Variants in SPATA13 observed in about 807,000 individuals in gnomAD.
SPATA13 encodes spermatogenesis associated 13.
SPATA13 carries 50 observed loss-of-function variants against 104.0 expected under a neutral mutation model. The observed-to-expected ratio is 0.48, with a 90% CI of 0.38 to 0.61. SPATA13 has a LOEUF of 0.61. Ranked by LOEUF, SPATA13 falls within the 20% of genes least tolerant of loss-of-function variation. SPATA13 has a pLI of 0.00. For synonymous variants in SPATA13, 606 were observed against 667.5 expected, an observed-to-expected ratio of 0.91 and a Z score of 1.42; for missense variants, 1,524 against 1,690.6, an observed-to-expected ratio of 0.90 and a Z score of 1.73.
chr13:24,110,888 T>A (rs1294640812), intron 3 of SPATA13, among the ~76,000 whole-genome samples: 1 of 152,202 alleles, frequency 6.6e-6, no homozygotes, highest in East Asian at 1.9e-4. Context: ...GTTTGCACCA[T>A]CTCTGCGCAT....
intron 1 of SPATA13, among the ~76,000 whole-genome samples, chr13:24,180,926 G>T (rs1008506515): frequency 6.6e-6 from 1 of 152,068 alleles, no homozygotes; most frequent in South Asian, 2.1e-4. Flanking sequence ...AAGCTAGATG[G>T]TACAGCCTAC....
At chr13:23,982,779 C>G (rs907022041) in intron 1 of SPATA13, among the ~76,000 whole-genome samples, 1 of 152,160 alleles carries the variant, frequency 6.6e-6, no homozygotes, top group Non-Finnish European at 1.5e-5. Context: ...ACAGGGTCAC[C>G]CAGAAAGGAA....
chr13:24,044,615 A>G lies in SPATA13; in HGVS notation c.-112+26914A>G, dbSNP rs181250751. Among the ~76,000 whole-genome samples the G allele has an allele frequency of 2.7e-3, 412 of 152,262 alleles. 4 individuals are homozygous for G. The highest frequency in any genetic ancestry group is 0.024 in the Middle Eastern group (7 of 294). ...CAATACATGTTTACATTGTTTAATG[A>G]TCGAATCGGGGTAATTAGCATATCC... On this transcript the variant is annotated intron_variant, in intron 3 of 14. Coordinates refer to the SPATA13 transcript ENST00000424834.
chr13:24,164,346 G>A (rs373090481), intron 1 of SPATA13, among the ~76,000 whole-genome samples: 65 of 152,320 alleles, frequency 4.3e-4, no homozygotes, highest in African/African-American at 1.5e-3. Flanking sequence ...CTCCCTCCAT[G>A]TTTAATGCCT....
intron 3 of SPATA13, among the ~76,000 whole-genome samples, chr13:24,135,169 C>T (rs945514058): frequency 1.3e-5 from 2 of 152,046 alleles, no homozygotes; most frequent in Non-Finnish European, 2.9e-5. Flanking sequence ...CCACCTAGCT[C>T]GTGATACTTT....
At chr13:24,108,961 A>G (rs950021919) in intron 3 of SPATA13, among the ~76,000 whole-genome samples, 2 of 151,336 alleles carry the variant, frequency 1.3e-5, no homozygotes, top group African/African-American at 4.9e-5. Context: ...CTTTTATTTT[A>G]TTTTATTTTT....
chr13:24,275,407 T>C (rs933522908), intron 4 of SPATA13, among the ~76,000 whole-genome samples: 1 of 152,254 alleles, frequency 6.6e-6, no homozygotes, highest in African/African-American at 2.4e-5. Context: ...TAGTACTCTG[T>C]GGAACAGATG....
chr13:24,267,026 G>A (rs1593476755), intron 4 of SPATA13, among the ~76,000 whole-genome samples: 1 of 152,010 alleles, frequency 6.6e-6, no homozygotes, highest in Non-Finnish European at 1.5e-5. Context: ...TCTGGTAAAT[G>A]TAGGCTCTGA....
At chr13:24,233,217 G>A (rs1201165826) in intron 2 of SPATA13, among the ~76,000 whole-genome samples, 1 of 152,136 alleles carries the variant, frequency 6.6e-6, no homozygotes, top group Non-Finnish European at 1.5e-5. Flanking sequence ...ATTAGAGTTA[G>A]AAAGATAATT....
intron 3 of SPATA13, chr13:24,035,132 T>C (rs1877630591): frequency 6.6e-6 from 1 of 152,236 alleles, no homozygotes; most frequent in African/African-American, 2.4e-5. Flanking sequence ...CCTATACTTA[T>C]TGGGCATTGT....
rs1366848454 is a variant in SPATA13 at position 24,205,619 on chromosome 13, T to C, written c.-111-17200T>C. ...CATGTGGACCAAAAAAGAGCCTGAA[T>C]AGTGAAGACAATTCTAAGCAAAAAG... On this transcript the variant is annotated intron_variant, in intron 1 of 12. Transcript: ENST00000382108. This position sits in a 1 kb window ranked among gnomAD's most constrained non-coding sequence, Gnocchi z 4.1. 6.6e-6 allele frequency among the ~76,000 whole-genome samples: 1 copy of C among 152,206 alleles called. No homozygotes were observed. Among genetic ancestry groups the C allele is most frequent in the Non-Finnish European group, 1.5e-5 (1 of 68,028 alleles).
intron 3 of SPATA13, among the ~76,000 whole-genome samples, chr13:24,084,877 G>GTA (rs776495529): frequency 5.9e-5 from 9 of 152,150 alleles, no homozygotes; most frequent in African/African-American, 1.7e-4. Context: ...ATATAACTAT[G>GTA]TATATATATT....
chr13:24,108,665 G>A (rs539756442), intron 3 of SPATA13, among the ~76,000 whole-genome samples: 2 of 152,082 alleles, frequency 1.3e-5, no homozygotes, highest in East Asian at 1.9e-4. Flanking sequence ...ATGGTAGGGG[G>A]GGGGAAGCCT....
intron 3 of SPATA13, among the ~76,000 whole-genome samples, chr13:24,069,615 T>A (rs921160774): frequency 2.6e-5 from 4 of 152,202 alleles, no homozygotes; most frequent in African/African-American, 9.7e-5. Context: ...TATTTATTTA[T>A]CTTGCCCGAT....
chr13:24,101,558 A>G (rs1172265931), intron 3 of SPATA13, among the ~76,000 whole-genome samples: 2 of 152,220 alleles, frequency 1.3e-5, no homozygotes, highest in African/African-American at 4.8e-5. Flanking sequence ...TGTTAACCCT[A>G]TGCACATTCT....
intron 3 of SPATA13, among the ~76,000 whole-genome samples, chr13:24,082,821 C>G (rs893116231): frequency 1.5e-5 from 1 of 65,272 alleles, no homozygotes; most frequent in Non-Finnish European, 2.9e-5. Context: ...AGCGAGACTC[C>G]GTCTCAAAAA....
chr13:24,161,759 T>C lies in SPATA13; in HGVS notation c.-112+827T>C, dbSNP rs1882504622. Reference sequence around the variant, plus strand: ...TTTGCTTCCCAGCATTGCATAGGGATGTGGATAAATAGAATAATACTGTGA... The same window carrying C: ...TTTGCTTCCCAGCATTGCATAGGGACGTGGATAAATAGAATAATACTGTGA... On this transcript the variant is annotated intron_variant, in intron 1 of 12. Coordinates refer to ENST00000382108, the MANE Select transcript of SPATA13 (RefSeq NM_001166271.3). The surrounding 1 kb of genome is among the most constrained non-coding windows in gnomAD (Gnocchi z 4.5). 6.6e-6 allele frequency among the ~76,000 whole-genome samples: 1 copy of C among 152,202 alleles called. No homozygotes were observed. The highest frequency in any genetic ancestry group is 1.9e-4 in the East Asian group (1 of 5,178).
intron 3 of SPATA13, among the ~76,000 whole-genome samples, chr13:24,109,265 A>G (rs901297517): frequency 1.3e-5 from 2 of 152,174 alleles, no homozygotes; most frequent in African/African-American, 4.8e-5. Context: ...AGCTGCATCC[A>G]TGTCCCTGCA....
At chr13:24,171,118 C>A in intron 1 of SPATA13, among the ~76,000 whole-genome samples, 1 of 152,002 alleles carries the variant, frequency 6.6e-6, no homozygotes, top group Non-Finnish European at 1.5e-5. Flanking sequence ...TTTTCCCATT[C>A]GAAGGACCCT....
Sources: gnomAD v4.1 joint callset for allele counts (sites outside exome capture counted in the v4.1 genomes callset) on GRCh38, gnomAD v4.1.1 for gene constraint, Gnocchi (gnomAD v3.1) non-coding constraint, MANE v1.5 for transcripts, NCBI Gene and HGNC (gene_info 2026-07-23, HGNC 2026-07-21) for gene names.